EPG5: variants seen among roughly 807,000 people sequenced by gnomAD.
The protein encoded by EPG5 is ectopic P granules protein 5 homolog.
Under a neutral mutation model 302.7 loss-of-function variants are expected in EPG5, and 159 were observed. That is an observed-to-expected ratio of 0.53 (90% CI 0.46 to 0.60). The LOEUF is 0.60. Ranked by LOEUF, EPG5 falls within the 20% of genes least tolerant of loss-of-function variation. EPG5 has a pLI of 0.00. For synonymous variants in EPG5, 1,158 were observed against 1,136.8 expected, an observed-to-expected ratio of 1.02 and a Z score of -0.37; for missense variants, 2,896 against 3,092.4, an observed-to-expected ratio of 0.94 and a Z score of 1.51.
chr18:45,913,717 G>A lies in EPG5; in HGVS notation c.3805C>T (p.Gln1269Ter). Residue 1269 changes from glutamine to a stop codon, truncating the protein, a stop_gained, in exon 21 of 44, where the codon CAA (glutamine) becomes TAA (stop). Transcript: ENST00000282041. LOFTEE classifies it high-confidence loss of function. ...LVINSAFTPD[Q>*]ALKKAQTQLK... ...ACTGCTATTTGTACCTTCAGAGCTT[G>A]GTCAGGGGTGAAAGCAGAGTTTATC... 6.2e-7 allele frequency: 1 copy of A among 1,614,016 alleles called. No homozygotes were observed. The highest frequency in any genetic ancestry group is 8.5e-7 in the Non-Finnish European group (1 of 1,179,956).
At chr18:45,831,222 T>A in the EPG5 span, among the ~76,000 whole-genome samples, 82 of 152,340 alleles carry the variant, frequency 5.4e-4, no homozygotes, top group African/African-American at 1.9e-3. Flanking sequence ...ACTCGCCTGC[T>A]GCCGTGTTGT....
At chr18:45,949,711 G>A (rs1156587726) in intron 4 of EPG5, 120 bp from the exon 5 acceptor site, 7 of 590,762 alleles carry the variant, frequency 1.2e-5, no homozygotes, top group Admixed American at 6.0e-5. Context: ...AGAGTAACCA[G>A]ACACAAGATA....
In EPG5 at chr18:45,870,704, G is replaced by T. The variant is rs1231216647; in HGVS notation, c.6088C>A (p.His2030Asn). 1.2e-6 allele frequency: 2 copies of T among 1,611,500 alleles called. No homozygotes were observed. The highest frequency in any genetic ancestry group is 3.3e-5 in the Admixed American group (2 of 59,888). ...CATGCTTCACAATAATGCATCAGGT[G>T]CAACCAAAGGGCTCCTGCATCACCT... ...LPGDAGALWL[H>N]LMHYCEACTA... The change falls in exon 36 of 44, where the codon CAC (histidine) becomes AAC (asparagine). Residue 2030 changes from histidine (H) to asparagine (N), a missense_variant. Physicochemically the swap from His to Asn is moderately conservative, Grantham distance 68. This residue lies in a region of EPG5 where 620 missense variants were observed against 704.2 expected (regional missense o/e 0.88). Transcript: ENST00000282041.
chr18:45,858,201 T>A, intron 41 of EPG5, 133 bp from the exon 42 acceptor site: 1 of 666,704 alleles, frequency 1.5e-6, no homozygotes. Context: ...CGGCTGATGT[T>A]AATAGAGCCA....
intron 25 of EPG5, among the ~76,000 whole-genome samples, chr18:45,902,220 T>C (rs754872167): frequency 6.6e-5 from 10 of 152,216 alleles, no homozygotes; most frequent in Non-Finnish European, 1.2e-4. Context: ...GAGACTTGTA[T>C]TGTTTGTACC....
the EPG5 span, among the ~76,000 whole-genome samples, chr18:45,826,138 C>T: frequency 6.6e-6 from 1 of 151,952 alleles, no homozygotes; most frequent in African/African-American, 2.4e-5. Context: ...CACCCAAGTG[C>T]CGTGTGTTTT....
intron 10 of EPG5, among the ~76,000 whole-genome samples, chr18:45,937,652 C>A (rs1599612769): frequency 6.6e-6 from 1 of 152,178 alleles, no homozygotes; most frequent in South Asian, 2.1e-4. Flanking sequence ...GGTGATCCGC[C>A]CACCTCAGCC....
At chr18:45,885,911 T>G (rs1216016575) in intron 29 of EPG5, among the ~76,000 whole-genome samples, 1 of 151,988 alleles carries the variant, frequency 6.6e-6, no homozygotes, top group Non-Finnish European at 1.5e-5. Flanking sequence ...AAAGTATATA[T>G]AAATGGCCAA....
chr18:45,921,074 G>C (rs1300181635), intron 16 of EPG5, among the ~76,000 whole-genome samples: 2 of 152,224 alleles, frequency 1.3e-5, no homozygotes, highest in African/African-American at 4.8e-5. Flanking sequence ...AGCAGAAGTT[G>C]AGAACCACTG....
intron 36 of EPG5, among the ~76,000 whole-genome samples, chr18:45,868,440 C>T (rs373297534): frequency 1.1e-4 from 16 of 151,694 alleles, no homozygotes; most frequent in East Asian, 9.7e-4. Flanking sequence ...TGGCTTCAAG[C>T]AATTCTCCTG....
At chr18:45,825,358 GAGGA>G in the EPG5 span, among the ~76,000 whole-genome samples, 2 of 151,896 alleles carry the variant, frequency 1.3e-5, no homozygotes, top group Non-Finnish European at 2.9e-5. Context: ...GTGAGGGAGG[GAGGA>G]AGGAAGGGTG....
At chr18:45,845,350 C>A (rs943688951), downstream of EPG5, among the ~76,000 whole-genome samples, 1 of 152,198 alleles carries the variant, frequency 6.6e-6, no homozygotes, top group Admixed American at 6.5e-5. Context: ...GCTGGCACCC[C>A]CTTTAACAAC....
chr18:45,964,846 G>A (rs1027723699), intron 1 of EPG5, among the ~76,000 whole-genome samples: 7 of 152,092 alleles, frequency 4.6e-5, no homozygotes, highest in Non-Finnish European at 5.9e-5. Flanking sequence ...CCAGCTACTC[G>A]GGAGGCTGAG....
At position 45,859,967 on chromosome 18, in the gene EPG5, CACA is replaced by C. The variant is rs1201725333; in HGVS notation, c.7009+134_7009+136del. ...AAAAATACGTATATTCAGAAACATCCACAACATTTGTAGAGCAGAAAATTAGAA... is the reference window on the plus strand; with the variant it reads ...AAAAATACGTATATTCAGAAACATCCACATTTGTAGAGCAGAAAATTAGAA... On this transcript the variant is annotated intron_variant, in intron 40 of 43. Transcript: ENST00000282041. 7.0e-6 allele frequency: 8 copies of C among 1,135,900 alleles called. No individual in the cohort carries two copies. The African/African-American group carries it at 1.1e-4, about 15-fold the overall frequency. 70.4% of individuals were successfully genotyped at this position (1,135,900 alleles called of 1,614,324 possible).
chr18:45,896,884 G>C (rs372240354), intron 27 of EPG5, among the ~76,000 whole-genome samples: 1 of 152,006 alleles, frequency 6.6e-6, no homozygotes, highest in Admixed American at 6.6e-5. Flanking sequence ...CAAGAACTTT[G>C]GTATGTTTGT....
chr18:45,803,447 T>C, the EPG5 span, among the ~76,000 whole-genome samples: 1 of 152,068 alleles, frequency 6.6e-6, no homozygotes, highest in East Asian at 1.9e-4. Context: ...TAGTAGGAGG[T>C]TATTCTCCTG....
chr18:45,889,061 G>A (rs961066188), intron 28 of EPG5, among the ~76,000 whole-genome samples: 1 of 151,968 alleles, frequency 6.6e-6, no homozygotes, highest in African/African-American at 2.4e-5. Flanking sequence ...CCTCTTGTTT[G>A]CCTGGTCTCC....
chr18:45,801,060 G>T, the EPG5 span, among the ~76,000 whole-genome samples: 3 of 152,006 alleles, frequency 2.0e-5, no homozygotes, highest in South Asian at 6.2e-4. Flanking sequence ...TTTTTGAGAT[G>T]GAGTCTCGCT....
chr18:45,890,108 C>A lies in EPG5; in HGVS notation c.4810-168G>T, dbSNP rs576628834. 3.6e-5 allele frequency: 18 copies of A among 503,676 alleles called. No individual in the cohort carries two copies. The Admixed American group carries it at 6.6e-4, about 19-fold the overall frequency. The allele number at this position is 503,676 out of a possible 1,614,324, so 31.2% of individuals were successfully genotyped here. On this transcript the variant is annotated intron_variant, in intron 27 of 43. Coordinates refer to ENST00000282041, the MANE Select transcript of EPG5 (RefSeq NM_020964.3). ...ATCTTGAATTAATTTATCAATAGTT[C>A]AAAGCCTTTTGTAGGATACTATTTC... is the stretch of plus-strand genomic sequence containing the variant.
Sources: gnomAD v4.1 joint callset for allele counts (sites outside exome capture counted in the v4.1 genomes callset) on GRCh38, gnomAD v4.1.1 for gene constraint, gnomAD v4.1.1 regional missense constraint, MANE v1.5 for transcripts, NCBI Gene and HGNC (gene_info 2026-07-23, HGNC 2026-07-21) for gene names.